Variants in BRINP3 observed in about 807,000 individuals in gnomAD.
BRINP3 encodes the protein BMP/retinoic acid inducible neural specific 3, also known as BMP/retinoic acid-inducible neural-specific protein 3.
Under a neutral mutation model 71.0 loss-of-function variants are expected in BRINP3, and 19 were observed. The ratio of observed to expected loss-of-function variants is 0.27; its 90% confidence interval spans 0.19 to 0.39. The LOEUF (loss-of-function observed/expected upper bound fraction) is 0.39, where lower values mean the gene tolerates loss of function less well. BRINP3 is among the 10% of genes least tolerant of loss of function. BRINP3 has a pLI of 1.00. For synonymous variants in BRINP3, 380 were observed against 337.7 expected (o/e 1.13, Z -1.37); for missense variants, 959 against 940.8 (o/e 1.02, Z -0.25).
intron 4 of BRINP3, among the ~76,000 whole-genome samples, chr1:190,249,886 T>G (rs1659976845): frequency 6.6e-6 from 1 of 151,880 alleles, no homozygotes; most frequent in Admixed American, 6.6e-5. Flanking sequence ...AAAAAATCAT[T>G]TTTAAGATGA....
intron 2 of BRINP3, among the ~76,000 whole-genome samples, chr1:190,310,151 C>G (rs1022469448): frequency 7.3e-5 from 11 of 150,436 alleles, no homozygotes; most frequent in African/African-American, 2.7e-4. Flanking sequence ...CTGATGTTTC[C>G]CCTTTCAAAT....
chr1:190,453,461 C>G (rs1312954459), intron 2 of BRINP3, among the ~76,000 whole-genome samples: 1 of 151,874 alleles, frequency 6.6e-6, no homozygotes, highest in African/African-American at 2.4e-5. Context: ...TCGTGATCCG[C>G]CCGTCTCTGC....
chr1:190,437,351 C>T (rs756361983), intron 2 of BRINP3, among the ~76,000 whole-genome samples: 50 of 151,688 alleles, frequency 3.3e-4, no homozygotes, highest in Admixed American at 6.6e-4. Flanking sequence ...ACATCTTAAA[C>T]GACATAACTT....
chr1:190,288,654 G>T (rs1663619771), intron 2 of BRINP3, among the ~76,000 whole-genome samples: 1 of 151,918 alleles, frequency 6.6e-6, no homozygotes, highest in Non-Finnish European at 1.5e-5. Context: ...CAGTAGTACA[G>T]ATAACATGGA....
chr1:190,310,966 C>T (rs969858236), intron 2 of BRINP3, among the ~76,000 whole-genome samples: 1 of 151,590 alleles, frequency 6.6e-6, no homozygotes, highest in Non-Finnish European at 1.5e-5. Flanking sequence ...TACTTAATTC[C>T]ATAACCAGCA....
intron 1 of BRINP3, among the ~76,000 whole-genome samples, chr1:190,459,227 A>G (rs189851772): frequency 6.6e-6 from 1 of 151,652 alleles, no homozygotes; most frequent in Non-Finnish European, 1.5e-5. Context: ...CAGAAATAAA[A>G]TACATCAAAA....
chr1:190,110,992 G>C (rs898968382), intron 7 of BRINP3, among the ~76,000 whole-genome samples: 1 of 151,734 alleles, frequency 6.6e-6, no homozygotes, highest in Admixed American at 6.6e-5. Flanking sequence ...TGGCTAACAC[G>C]GTGAAACCCC....
chr1:190,139,357 C>T lies in BRINP3; in HGVS notation c.1184+21311G>A, dbSNP rs368598861. Reference sequence around the variant, plus strand: ...ATCCCAGCTACCTGGGAGGCTTAAGCGGGAGAATCACTTGAACCTGGGAAG... The same window carrying T: ...ATCCCAGCTACCTGGGAGGCTTAAGTGGGAGAATCACTTGAACCTGGGAAG... On this transcript the variant is annotated intron_variant, in intron 7 of 7. Coordinates refer to ENST00000367462, the MANE Select transcript of BRINP3 (RefSeq NM_199051.3). Among the ~76,000 whole-genome samples, 16 of 146,794 alleles carry T rather than the reference C, an allele frequency of 1.1e-4. No homozygotes were observed. In the East Asian group the frequency reaches 1.2e-3, roughly 11 times the overall value.
intron 7 of BRINP3, among the ~76,000 whole-genome samples, chr1:190,111,201 A>AAC (rs1553241594): frequency 1.3e-5 from 2 of 150,194 alleles, no homozygotes; most frequent in African/African-American, 5.0e-5. Flanking sequence ...AAAAAAAAAA[A>AAC]AAAAAAACTT....
chr1:190,322,931 G>T (rs1337119852), intron 2 of BRINP3, among the ~76,000 whole-genome samples: 1 of 151,842 alleles, frequency 6.6e-6, no homozygotes. Context: ...CTCTTTTAAA[G>T]AGCGGGTGAT....
intron 2 of BRINP3, among the ~76,000 whole-genome samples, chr1:190,359,885 A>G (rs963304492): frequency 1.3e-5 from 2 of 152,164 alleles, no homozygotes; most frequent in African/African-American, 4.8e-5. Context: ...GGTGGACTGT[A>G]TCCCTCTAAC....
rs554933003 is a variant in BRINP3 at position 190,308,372 on chromosome 1, C to G, written c.237-26622G>C. On this transcript the variant is annotated intron_variant, in intron 2 of 7. Transcript: ENST00000367462. ...GATTGTGTAAGTATTGTTGTTCTTG[C>G]GACAGTTTGCTGAGAATGATGGTTT... 1.4e-4 allele frequency among the ~76,000 whole-genome samples: 21 copies of G among 151,688 alleles called. 1 individual carries two copies. In the South Asian group the frequency reaches 4.4e-3, roughly 32 times the overall value.
intron 2 of BRINP3, among the ~76,000 whole-genome samples, chr1:190,398,484 G>A (rs193255397): frequency 2.6e-5 from 4 of 151,928 alleles, no homozygotes; most frequent in Admixed American, 2.0e-4. Context: ...TAAGTATAAC[G>A]CTGAACAAAT....
At chr1:190,295,224 G>A (rs1416212325) in intron 2 of BRINP3, among the ~76,000 whole-genome samples, 1 of 152,142 alleles carries the variant, frequency 6.6e-6, no homozygotes, top group East Asian at 1.9e-4. Flanking sequence ...TGCCAGGATG[G>A]TGGATTCCCT....
chr1:190,334,830 G>T (rs1445367478), intron 2 of BRINP3, among the ~76,000 whole-genome samples: 5 of 151,670 alleles, frequency 3.3e-5, no homozygotes, highest in African/African-American at 1.2e-4. Context: ...TTGATTTCCT[G>T]TGGGCAGGCT....
intron 7 of BRINP3, among the ~76,000 whole-genome samples, chr1:190,121,634 C>G (rs1053392097): frequency 3.3e-5 from 5 of 152,012 alleles, no homozygotes; most frequent in Non-Finnish European, 7.4e-5. Flanking sequence ...ATATGGAAAC[C>G]TTGCATAAGC....
At chr1:190,237,039 C>G (rs942452623) in intron 4 of BRINP3, among the ~76,000 whole-genome samples, 2 of 151,864 alleles carry the variant, frequency 1.3e-5, no homozygotes, top group Non-Finnish European at 2.9e-5. Context: ...TACAAAGAGT[C>G]TCTTATATTC....
intron 2 of BRINP3, among the ~76,000 whole-genome samples, chr1:190,371,349 A>G (rs1669854117): frequency 6.6e-6 from 1 of 152,178 alleles, no homozygotes; most frequent in South Asian, 2.1e-4. Flanking sequence ...GTTGATTCCC[A>G]TAGATGGTGT....
At chr1:190,124,623 C>T (rs1653944842) in intron 7 of BRINP3, among the ~76,000 whole-genome samples, 1 of 151,974 alleles carries the variant, frequency 6.6e-6, no homozygotes, top group African/African-American at 2.4e-5. Context: ...TTTTAGGAAA[C>T]TCATTTATTT....
Sources: allele counts gnomAD v4.1 joint callset (sites outside exome capture counted in the v4.1 genomes callset), GRCh38; gene constraint gnomAD v4.1.1; transcripts MANE v1.5; gene names NCBI Gene and HGNC (gene_info 2026-07-23, HGNC 2026-07-21).